ARHGAP40: variants seen among roughly 807,000 people sequenced by gnomAD.
ARHGAP40 encodes the protein rho GTPase-activating protein 40.
ARHGAP40 carries 43 observed loss-of-function variants against 73.5 expected under a neutral mutation model. The ratio of observed to expected loss-of-function variants is 0.58; its 90% CI spans 0.46 to 0.75. ARHGAP40 has a LOEUF of 0.75. Among genes scored for constraint, ARHGAP40 ranks in the 30% least tolerant of loss-of-function variants. The probability of loss-of-function intolerance (pLI) is 0.00; values close to 1 mark genes in which losing one functional copy is unlikely to be tolerated. For missense variants in ARHGAP40, 734 were observed against 861.8 expected (o/e 0.85, Z 1.86); for synonymous variants, 300 against 352.8 (o/e 0.85, Z 1.68).
At chr20:38,634,680 G>A in exon 6 of ARHGAP40, 1 of 1,305,388 alleles carries the variant, frequency 7.7e-7, no homozygotes, top group Non-Finnish European at 1.0e-6. Context: ...GTCCCTGCAG[G>A]ATATGAGGAA....
At chr20:38,645,963 AGGCCACGATGACCCTGGAGAG>A in intron 11 of ARHGAP40, 63 bp from the exon 12 acceptor site, 1 of 1,153,696 alleles carries the variant, frequency 8.7e-7, no homozygotes. Context: ...GCCAGGGAAG[AGGCCACGATGACCCTGGAGAG>A]GGCTCTGCCT....
chr20:38,602,167 C>T, intron 1 of ARHGAP40, 88 bp downstream of exon 1: 2 of 1,185,912 alleles, frequency 1.7e-6, no homozygotes, highest in Non-Finnish European at 2.1e-6. Flanking sequence ...CCCTGTGAGG[C>T]AAGAATCTTC....
intron 2 of ARHGAP40, among the ~76,000 whole-genome samples, chr20:38,625,955 G>A (rs1341776604): frequency 6.6e-6 from 1 of 152,164 alleles, no homozygotes; most frequent in African/African-American, 2.4e-5. Context: ...AAAGGTGGTT[G>A]GTGAATGCCT....
chr20:38,620,021 A>G (rs2088865926), intron 1 of ARHGAP40, among the ~76,000 whole-genome samples: 1 of 152,310 alleles, frequency 6.6e-6, no homozygotes, highest in South Asian at 2.1e-4. Flanking sequence ...GCAGTGAGCT[A>G]TGATCGCGCC....
chr20:38,632,573 A>G (rs914030312), intron 5 of ARHGAP40, among the ~76,000 whole-genome samples: 1 of 152,048 alleles, frequency 6.6e-6, no homozygotes, highest in Non-Finnish European at 1.5e-5. Context: ...AAATTTTTTA[A>G]TAATGAGTTT....
rs1319236772 is a variant in ARHGAP40, at chr20:38,634,540, C to T, written c.784-80C>T. 4 of 1,229,056 alleles carry T rather than the reference C, an allele frequency of 3.3e-6. No individual in the cohort carries two copies. In the African/African-American group the frequency reaches 6.2e-5, roughly 19 times the overall value. The allele number at this position is 1,229,056 out of a possible 1,614,324, so 76.1% of individuals were successfully genotyped here. A position where few individuals can be genotyped will look rare whatever the true frequency, so the allele number is the denominator to read the frequency against. ...CTGCTCTTCCTTCTGCCTAAATGCC[C>T]TGGGGAGAAGGGGGAGCCCCAAAAT... On this transcript the variant is annotated intron_variant, in intron 5 of 14. Coordinates refer to ENST00000373345, the Ensembl canonical transcript of ARHGAP40.
chr20:38,650,021 G>T (rs1000695988), exon 15 of ARHGAP40: 4 of 404,942 alleles, frequency 9.9e-6, no homozygotes, highest in African/African-American at 8.4e-5. Flanking sequence ...CAGGGGTGGT[G>T]CTCTCTCCAC....
chr20:38,643,656 C>T (rs374278288), intron 10 of ARHGAP40, 48 bp from the exon 11 acceptor site: 12 of 1,284,480 alleles, frequency 9.3e-6, no homozygotes, highest in Admixed American at 6.9e-5. Flanking sequence ...GGTGGGGAGG[C>T]GCCAGGGATG....
intron 11 of ARHGAP40, 73 bp downstream of exon 11, chr20:38,643,983 G>A (rs1044439048): frequency 3.3e-6 from 4 of 1,214,626 alleles, no homozygotes; most frequent in East Asian, 1.2e-4. Flanking sequence ...AGGAGCCTGG[G>A]CATTGTCCTT....
intron 1 of ARHGAP40, among the ~76,000 whole-genome samples, chr20:38,609,004 G>C (rs2088789579): frequency 6.6e-6 from 1 of 152,046 alleles, no homozygotes; most frequent in Non-Finnish European, 1.5e-5. Flanking sequence ...CCCATTTAAG[G>C]ACCTTAGTGG....
At chr20:38,627,191 T>C in exon 3 of ARHGAP40, 2 of 1,305,488 alleles carry the variant, frequency 1.5e-6, no homozygotes, top group Non-Finnish European at 1.0e-6. Flanking sequence ...ATGTCAGGGA[T>C]GTCTTTGGGG....
Position 38,646,880 on chromosome 20 carries a change from G to C in ARHGAP40, c.1711-77G>C. On this transcript the variant is annotated intron_variant, in intron 12 of 14. Transcript: ENST00000373345. This position sits in a 1 kb window ranked among gnomAD's most constrained non-coding sequence, Gnocchi z 4.5. ...GCATTTGCGTAAGTGCCATGTATGC[G>C]TGTTTATGCATCCACGTTGGAACTC... The C allele has an allele frequency of 8.2e-7, 1 of 1,226,028 alleles. No homozygotes were observed. The highest frequency in any genetic ancestry group is 1.1e-6 in the Non-Finnish European group (1 of 937,850). 75.9% of individuals were successfully genotyped at this position (1,226,028 alleles called of 1,614,324 possible).
At chr20:38,621,751 T>C (rs1012277056) in intron 1 of ARHGAP40, among the ~76,000 whole-genome samples, 1 of 152,180 alleles carries the variant, frequency 6.6e-6, no homozygotes, top group East Asian at 1.9e-4. Context: ...AGGGAAAATA[T>C]AGCTAACAAA....
At chr20:38,624,957 C>A (rs2088891443) in intron 2 of ARHGAP40, among the ~76,000 whole-genome samples, 1 of 152,230 alleles carries the variant, frequency 6.6e-6, no homozygotes, top group African/African-American at 2.4e-5. Context: ...GTCCACAGTG[C>A]CTAGAACAGA....
At chr20:38,618,243 G>A (rs1446088759) in intron 1 of ARHGAP40, among the ~76,000 whole-genome samples, 1 of 151,996 alleles carries the variant, frequency 6.6e-6, no homozygotes, top group East Asian at 1.9e-4. Flanking sequence ...GGGATTCCAG[G>A]CGCCCGCCAC....
intron 5 of ARHGAP40, among the ~76,000 whole-genome samples, chr20:38,630,041 C>T (rs2088927511): frequency 6.6e-6 from 1 of 150,966 alleles, no homozygotes; most frequent in African/African-American, 2.4e-5. Flanking sequence ...CCCTCCCTTC[C>T]CTCCTCCTCC....
At chr20:38,649,967 G>A in exon 15 of ARHGAP40, 6 of 745,498 alleles carry the variant, frequency 8.0e-6, no homozygotes, top group Non-Finnish European at 1.2e-5. Context: ...TTATTCCAAG[G>A]CTTCCTTTTC....
chr20:38,615,729 T>G (rs1471641862), intron 1 of ARHGAP40, among the ~76,000 whole-genome samples: 1 of 152,008 alleles, frequency 6.6e-6, no homozygotes, highest in East Asian at 1.9e-4. Flanking sequence ...ATGGTGTGAG[T>G]GGCAGAGAGT....
In ARHGAP40 at chr20:38,646,871, C is replaced by T. The variant is rs1253875257; in HGVS notation, c.1711-86C>T. ...TCAGCGTGGGCATTTGCGTAAGTGC[C>T]ATGTATGCGTGTTTATGCATCCACG... is the stretch of plus-strand genomic sequence containing the variant. On this transcript the variant is annotated intron_variant, in intron 12 of 14. Transcript: ENST00000373345. This position sits in a 1 kb window ranked among gnomAD's most constrained non-coding sequence, Gnocchi z 4.5. 4 of 1,187,326 alleles carry T rather than the reference C, an allele frequency of 3.4e-6. No individual in the cohort carries two copies. The highest frequency in any genetic ancestry group is 4.4e-6 in the Non-Finnish European group (4 of 909,964). 73.5% of individuals were successfully genotyped at this position (1,187,326 alleles called of 1,614,324 possible). A position where few individuals can be genotyped will look rare whatever the true frequency, so the allele number is the denominator to read the frequency against.
Sources: allele counts gnomAD v4.1 joint callset (sites outside exome capture counted in the v4.1 genomes callset), GRCh38; gene constraint gnomAD v4.1.1; non-coding constraint Gnocchi (gnomAD v3.1); transcripts MANE v1.5; gene names NCBI Gene and HGNC (gene_info 2026-07-23, HGNC 2026-07-21).